RIMS2: variants seen among roughly 807,000 people sequenced by gnomAD.
RIMS2 encodes regulating synaptic membrane exocytosis protein 2.
In RIMS2, 59 loss-of-function variants were observed where a neutral mutation model predicts 174.4. The observed-to-expected ratio is 0.34, with a 90% CI of 0.27 to 0.42. RIMS2 has a LOEUF of 0.42. Among genes scored for constraint, RIMS2 ranks in the 10% least tolerant of loss-of-function variants. The pLI is 1.00. For missense variants in RIMS2, 1,620 were observed against 1,666.3 expected (o/e 0.97, Z 0.48); for synonymous variants, 606 against 572.5 (o/e 1.06, Z -0.84).
intron 2 of RIMS2, among the ~76,000 whole-genome samples, chr8:103,710,244 A>AG (rs1564369909): frequency 6.6e-6 from 1 of 152,162 alleles, no homozygotes; most frequent in Non-Finnish European, 1.5e-5. Context: ...TTAATTATAA[A>AG]GCTATTTAAA....
At chr8:104,068,715 A>G in intron 19 of RIMS2, 103 bp downstream of exon 23, 2 of 646,068 alleles carry the variant, frequency 3.1e-6, no homozygotes, top group Non-Finnish European at 5.5e-6. Flanking sequence ...CAAACATATA[A>G]TGCCATGGCC....
intron 19 of RIMS2, among the ~76,000 whole-genome samples, chr8:104,206,017 A>T (rs918819690): frequency 1.3e-5 from 2 of 152,168 alleles, no homozygotes; most frequent in African/African-American, 4.8e-5. Flanking sequence ...TGGCCTCCCA[A>T]AGTGTTGGGA....
chr8:103,687,640 G>C (rs2096958878), intron 1 of RIMS2, among the ~76,000 whole-genome samples: 1 of 151,894 alleles, frequency 6.6e-6, no homozygotes, highest in Non-Finnish European at 1.5e-5. Flanking sequence ...CTGAAATTTT[G>C]TATCCTTTGA....
chr8:103,932,983 A>C (rs561618094), intron 12 of RIMS2, among the ~76,000 whole-genome samples: 53 of 150,640 alleles, frequency 3.5e-4, no homozygotes, highest in Middle Eastern at 3.5e-3. Flanking sequence ...ATGGTGAAAC[A>C]CTGTCTCTAC....
intron 1 of RIMS2, among the ~76,000 whole-genome samples, 194 bp from the exon 2 acceptor site, chr8:103,652,011 G>A (rs2096460551): frequency 6.6e-6 from 1 of 152,216 alleles, no homozygotes; most frequent in Admixed American, 6.5e-5. Flanking sequence ...TTAGTTTTCT[G>A]TTAAGGACAA....
At chr8:104,052,287 A>G (rs1443837404) in intron 19 of RIMS2, among the ~76,000 whole-genome samples, 3 of 152,210 alleles carry the variant, frequency 2.0e-5, no homozygotes, top group Non-Finnish European at 4.4e-5. Flanking sequence ...TTGAAAATAT[A>G]GAAAATTAAA....
chr8:103,594,495 A>G (rs2094407323), intron 1 of RIMS2, among the ~76,000 whole-genome samples: 1 of 151,724 alleles, frequency 6.6e-6, no homozygotes, highest in Non-Finnish European at 1.5e-5. Context: ...TGATTGGTTG[A>G]TGAAAATGTG....
intron 1 of RIMS2, among the ~76,000 whole-genome samples, chr8:103,579,297 A>G (rs1172265149): frequency 6.6e-6 from 1 of 152,028 alleles, no homozygotes; most frequent in African/African-American, 2.4e-5. Context: ...ACAGACACAC[A>G]CACACACACA....
chr8:103,652,526 G>A (rs2096470346), intron 1 of RIMS2, 98 bp from the exon 3 acceptor site: 1 of 572,512 alleles, frequency 1.7e-6, no homozygotes, highest in Admixed American at 2.6e-5. Context: ...ATTGGCTGTA[G>A]CTTTTGTGCC....
chr8:104,075,982 C>T (rs1411090067), intron 19 of RIMS2, among the ~76,000 whole-genome samples: 1 of 152,154 alleles, frequency 6.6e-6, no homozygotes, highest in African/African-American at 2.4e-5. Context: ...CAGCCATCCT[C>T]CAGGATTTTA....
At chr8:103,720,543 A>G (rs2097432394) in intron 2 of RIMS2, among the ~76,000 whole-genome samples, 1 of 152,332 alleles carries the variant, frequency 6.6e-6, no homozygotes, top group South Asian at 2.1e-4. Context: ...TGAATATAAC[A>G]GTCTGTCATA....
Position 103,916,403 on chromosome 8 carries a change from A to G in RIMS2, c.1913-11A>G. 2 of 1,582,590 alleles carry G rather than the reference A, an allele frequency of 1.3e-6. No individual in the cohort carries two copies. Among genetic ancestry groups the G allele is most frequent in the South Asian group, 2.3e-5 (2 of 86,230 alleles). Reference sequence around the variant, plus strand: ...TCTGTATAAGATTATTATTACTGACACCCACTATAGGTGATGAAGTATTAG... The same window carrying G: ...TCTGTATAAGATTATTATTACTGACGCCCACTATAGGTGATGAAGTATTAG... On this transcript the variant is annotated splice_polypyrimidine_tract_variant and intron_variant, in intron 7 of 23. Transcript: ENST00000504942.
At chr8:103,676,810 C>G (rs1309050565) in intron 1 of RIMS2, among the ~76,000 whole-genome samples, 1 of 151,988 alleles carries the variant, frequency 6.6e-6, no homozygotes, top group Non-Finnish European at 1.5e-5. Context: ...TGGTGAAACA[C>G]TGTCTCTACT....
At chr8:104,094,771 G>T (rs1336022621) in intron 19 of RIMS2, 2 of 601,182 alleles carry the variant, frequency 3.3e-6, no homozygotes, top group Admixed American at 2.9e-5. Context: ...TAGTAATGTA[G>T]TCTTTTTTAC....
chr8:104,097,896 C>T (rs2097790367), intron 19 of RIMS2, among the ~76,000 whole-genome samples: 1 of 151,990 alleles, frequency 6.6e-6, no homozygotes, highest in South Asian at 2.1e-4. Context: ...GCAGAAGCCA[C>T]AACTACTTTT....
intron 1 of RIMS2, among the ~76,000 whole-genome samples, chr8:103,588,173 C>A (rs28889365): frequency 0.18 from 27,612 of 151,436 alleles, 2,749 homozygotes; most frequent in African/African-American, 0.26. Context: ...AAATTAAATA[C>A]CTAGAAATTA....
At chr8:104,082,010 C>T (rs72683197) in intron 19 of RIMS2, among the ~76,000 whole-genome samples, 5,690 of 151,932 alleles carry the variant, frequency 0.037, 153 homozygotes, top group Non-Finnish European at 0.052. Context: ...AGTGGTCATT[C>T]ATTCTCTCTC....
intron 1 of RIMS2, among the ~76,000 whole-genome samples, chr8:103,543,512 A>T (rs987035300): frequency 1.3e-5 from 2 of 152,200 alleles, no homozygotes; most frequent in African/African-American, 2.4e-5. Flanking sequence ...AATCCTAAAG[A>T]TATTTATGGA....
intron 4 of RIMS2, among the ~76,000 whole-genome samples, chr8:103,900,883 G>C (rs1345208993): frequency 6.6e-6 from 1 of 152,008 alleles, no homozygotes; most frequent in Non-Finnish European, 1.5e-5. Context: ...TATTGGGGTG[G>C]TTTCCCTTAG....
Sources: gnomAD v4.1 joint callset for allele counts (sites outside exome capture counted in the v4.1 genomes callset) on GRCh38, gnomAD v4.1.1 for gene constraint, MANE v1.5 for transcripts, NCBI Gene and HGNC (gene_info 2026-07-23, HGNC 2026-07-21) for gene names.